COL24A1: variants seen among roughly 807,000 people sequenced by gnomAD.
COL24A1 encodes collagen type XXIV alpha 1 chain.
A neutral mutation model predicts 253.9 loss-of-function variants in COL24A1; 224 were observed. The observed-to-expected ratio is 0.88, with a 90% CI of 0.79 to 0.99. The LOEUF (loss-of-function observed/expected upper bound fraction) is 0.99, where lower values mean the gene tolerates loss of function less well. COL24A1 is among the 50% of genes least tolerant of loss of function. COL24A1 has a pLI of 0.00. For missense variants in COL24A1, 2,131 were observed against 2,068.5 expected (o/e 1.03, Z -0.59); for synonymous variants, 685 against 673.7 (o/e 1.02, Z -0.26).
chr1:86,089,613 AGTTCAAAAC>A (rs1703335823), intron 6 of COL24A1, among the ~76,000 whole-genome samples: 1 of 152,176 alleles, frequency 6.6e-6, no homozygotes, highest in South Asian at 2.1e-4. Context: ...TGAGGCCAGG[AGTTCAAAAC>A]CAGCCTGGCC....
intron 43 of COL24A1, among the ~76,000 whole-genome samples, chr1:85,834,076 C>G (rs1382214192): frequency 1.3e-5 from 2 of 151,656 alleles, no homozygotes; most frequent in Admixed American, 6.6e-5. Flanking sequence ...TGTAACAAAC[C>G]TGTACATTGT....
chr1:85,976,400 T>C (rs551852708), intron 20 of COL24A1, among the ~76,000 whole-genome samples: 74 of 152,116 alleles, frequency 4.9e-4, no homozygotes, highest in African/African-American at 1.7e-3. Context: ...ACAGAGGGTA[T>C]TATGGAACAA....
intron 47 of COL24A1, among the ~76,000 whole-genome samples, chr1:85,810,432 T>C (rs1672411668): frequency 6.6e-6 from 1 of 152,200 alleles, no homozygotes; most frequent in East Asian, 1.9e-4. Context: ...CTATGAGGGC[T>C]ACTCTGCCTA....
At chr1:86,015,466 A>G (rs1028472729) in intron 19 of COL24A1, among the ~76,000 whole-genome samples, 1 of 152,210 alleles carries the variant, frequency 6.6e-6, no homozygotes, top group African/African-American at 2.4e-5. Context: ...AAGTGAAAAC[A>G]TGGCGCATGC....
intron 28 of COL24A1, among the ~76,000 whole-genome samples, chr1:85,902,578 T>C (rs1429166657): frequency 2.0e-5 from 3 of 152,178 alleles, no homozygotes; most frequent in Non-Finnish European, 4.4e-5. Context: ...TTGTAACTTG[T>C]CTCTTGTTAA....
At chr1:85,824,381 T>C (rs1030492000) in intron 43 of COL24A1, among the ~76,000 whole-genome samples, 1 of 152,242 alleles carries the variant, frequency 6.6e-6, no homozygotes, top group Non-Finnish European at 1.5e-5. Context: ...CCACCCATTT[T>C]GTGGTAATTT....
intron 32 of COL24A1, among the ~76,000 whole-genome samples, chr1:85,885,554 C>T (rs987300970): frequency 2.0e-5 from 3 of 151,588 alleles, no homozygotes; most frequent in East Asian, 1.9e-4. Context: ...ACCTAAATGA[C>T]AAAGAGAAAG....
intron 11 of COL24A1, among the ~76,000 whole-genome samples, chr1:86,048,785 C>T (rs61800729): frequency 0.13 from 19,691 of 152,090 alleles, 1,442 homozygotes; most frequent in Middle Eastern, 0.25. Flanking sequence ...CCACTGTGCC[C>T]GGCCAGGTCT....
At chr1:85,743,573 A>G (rs998832863) in intron 57 of COL24A1, among the ~76,000 whole-genome samples, 4 of 152,110 alleles carry the variant, frequency 2.6e-5, no homozygotes, top group African/African-American at 7.2e-5. Context: ...TTTTTTGAAC[A>G]CTGCACAATC....
chr1:85,867,495 G>A (rs1679920720), intron 37 of COL24A1, among the ~76,000 whole-genome samples: 1 of 152,198 alleles, frequency 6.6e-6, no homozygotes, highest in African/African-American at 2.4e-5. Context: ...CCAGAGTACA[G>A]AAGAAAGAGA....
intron 5 of COL24A1, among the ~76,000 whole-genome samples, chr1:86,093,494 G>A (rs1324794409): frequency 6.6e-6 from 1 of 151,706 alleles, no homozygotes; most frequent in African/African-American, 2.4e-5. Context: ...CTATGTGTCT[G>A]TGGATTAAAG....
At position 85,991,887 on chromosome 1, in the gene COL24A1, GTATT is replaced by G. The variant is rs987009230; in HGVS notation, c.2311-4237_2311-4234del. On this transcript the variant is annotated intron_variant, in intron 19 of 59. Transcript: ENST00000370571. ...TTTTATTTTTTATTTTTATTGGCTT[GTATT>G]TATTTATTTATTTTATTATTTTATT... Among the ~76,000 whole-genome samples, 606 of 150,570 alleles carry G rather than the reference GTATT, an allele frequency of 4.0e-3. 5 individuals carry two copies. The highest frequency in any genetic ancestry group is 0.014 in the African/African-American group (560 of 41,270).
chr1:85,800,515 G>C (rs1671317884), intron 47 of COL24A1, among the ~76,000 whole-genome samples: 1 of 152,200 alleles, frequency 6.6e-6, no homozygotes, highest in Non-Finnish European at 1.5e-5. Flanking sequence ...AGGCAGAACA[G>C]ACATTGAAAA....
intron 47 of COL24A1, among the ~76,000 whole-genome samples, chr1:85,794,917 A>G (rs1670656832): frequency 6.6e-6 from 1 of 152,104 alleles, no homozygotes; most frequent in East Asian, 1.9e-4. Context: ...CCCTACCGAA[A>G]TAAGTTTTAA....
rs545014410 is a variant in COL24A1 at position 85,900,868 on chromosome 1, G to A, written c.2779-4459C>T. 2.0e-5 allele frequency among the ~76,000 whole-genome samples: 3 copies of A among 152,154 alleles called. No individual in the cohort carries two copies. The South Asian group carries it at 6.2e-4, about 32-fold the overall frequency. On this transcript the variant is annotated intron_variant, in intron 28 of 59. Coordinates refer to ENST00000370571, the MANE Select transcript of COL24A1 (RefSeq NM_152890.7). Reference sequence around the variant, plus strand: ...GAAAACTGTATATCCAGATGCAGAAGAATTAAACCCTTATTTAGCACCATA... The same window carrying A: ...GAAAACTGTATATCCAGATGCAGAAAAATTAAACCCTTATTTAGCACCATA...
At chr1:85,899,036 C>T (rs1308279985) in intron 28 of COL24A1, among the ~76,000 whole-genome samples, 1 of 152,148 alleles carries the variant, frequency 6.6e-6, no homozygotes, top group Admixed American at 6.5e-5. Context: ...GAAAAAAGAA[C>T]AGTGTTCAAA....
At chr1:86,055,383 G>A (rs1700594809) in intron 10 of COL24A1, among the ~76,000 whole-genome samples, 1 of 152,064 alleles carries the variant, frequency 6.6e-6, no homozygotes, top group African/African-American at 2.4e-5. Flanking sequence ...CCTAACTAAA[G>A]TGTGAAAACT....
intron 37 of COL24A1, among the ~76,000 whole-genome samples, chr1:85,866,909 A>C (rs1348210664): frequency 1.3e-5 from 2 of 152,192 alleles, no homozygotes; most frequent in African/African-American, 4.8e-5. Context: ...CTGCTGTAAA[A>C]CTGAAAAGAA....
At chr1:85,738,091 T>C (rs1557938108) in intron 57 of COL24A1, among the ~76,000 whole-genome samples, 1 of 152,132 alleles carries the variant, frequency 6.6e-6, no homozygotes, top group Non-Finnish European at 1.5e-5. Flanking sequence ...GCTGAATTGA[T>C]TGCTTCATTC....
Sources: gnomAD v4.1 joint callset for allele counts (sites outside exome capture counted in the v4.1 genomes callset) on GRCh38, gnomAD v4.1.1 for gene constraint, MANE v1.5 for transcripts, NCBI Gene and HGNC (gene_info 2026-07-23, HGNC 2026-07-21) for gene names.